CNTNAP4: variants seen among roughly 807,000 people sequenced by gnomAD.
CNTNAP4 encodes contactin-associated protein-like 4.
In CNTNAP4, 98 loss-of-function variants were observed where a neutral mutation model predicts 148.4. That is an observed-to-expected ratio of 0.66 (90% CI 0.56 to 0.78). The LOEUF (loss-of-function observed/expected upper bound fraction) is 0.78. CNTNAP4 is among the 30% of genes least tolerant of loss of function. The probability of loss-of-function intolerance (pLI) is 0.00; values close to 1 mark genes in which losing one functional copy is unlikely to be tolerated. For synonymous variants in CNTNAP4, 730 were observed against 565.1 expected (o/e 1.29, Z -4.14); for missense variants, 1,935 against 1,565.6 (o/e 1.24, Z -3.98).
intron 19 of CNTNAP4, among the ~76,000 whole-genome samples, chr16:76,539,417 C>G (rs2084353760): frequency 6.6e-6 from 1 of 151,880 alleles, no homozygotes; most frequent in Non-Finnish European, 1.5e-5. Context: ...TTCAGAAATA[C>G]TTAATATTAT....
intron 4 of CNTNAP4, among the ~76,000 whole-genome samples, chr16:76,433,991 T>A (rs2079713088): frequency 6.7e-6 from 1 of 150,322 alleles, no homozygotes; most frequent in Non-Finnish European, 1.5e-5. Flanking sequence ...GTATTAGGGT[T>A]CTCTAGAAAG....
At chr16:76,315,245 C>A (rs889082655) in intron 1 of CNTNAP4, among the ~76,000 whole-genome samples, 4 of 151,728 alleles carry the variant, frequency 2.6e-5, no homozygotes, top group African/African-American at 9.7e-5. Flanking sequence ...AATGCAAGCT[C>A]CTCTGAGTAC....
At chr16:76,332,522 C>T (rs577228202) in intron 2 of CNTNAP4, among the ~76,000 whole-genome samples, 1 of 152,212 alleles carries the variant, frequency 6.6e-6, no homozygotes, top group Non-Finnish European at 1.5e-5. Context: ...CCTCAACCTC[C>T]CAAAGTGCCA....
chr16:76,411,884 A>T (rs2078809868), intron 3 of CNTNAP4, among the ~76,000 whole-genome samples: 1 of 151,490 alleles, frequency 6.6e-6, no homozygotes, highest in Non-Finnish European at 1.5e-5. Flanking sequence ...ACTATCAAAA[A>T]GTGAAAATGC....
At chr16:76,475,105 A>G (rs1267387559) in intron 10 of CNTNAP4, among the ~76,000 whole-genome samples, 1 of 151,926 alleles carries the variant, frequency 6.6e-6, no homozygotes, top group Non-Finnish European at 1.5e-5. Flanking sequence ...TGAACCCAGG[A>G]GGCGGAGGTT....
chr16:76,342,710 G>T (rs1046960670), intron 2 of CNTNAP4, among the ~76,000 whole-genome samples: 1 of 152,130 alleles, frequency 6.6e-6, no homozygotes, highest in Admixed American at 6.5e-5. Context: ...CTGACCTCGT[G>T]ATCTGCCCAC....
intron 2 of CNTNAP4, among the ~76,000 whole-genome samples, chr16:76,323,390 A>G (rs955119335): frequency 5.3e-5 from 8 of 152,174 alleles, no homozygotes; most frequent in Non-Finnish European, 1.0e-4. Flanking sequence ...TTGGAAAATA[A>G]AGTTCCAGAT....
At chr16:76,390,533 T>A (rs1172584469) in intron 3 of CNTNAP4, among the ~76,000 whole-genome samples, 2 of 151,024 alleles carry the variant, frequency 1.3e-5, no homozygotes, top group African/African-American at 2.4e-5. Context: ...GTTCATGAAC[T>A]GCAACTTAAT....
intron 4 of CNTNAP4, among the ~76,000 whole-genome samples, chr16:76,438,606 C>G (rs897547893): frequency 6.6e-6 from 1 of 152,058 alleles, no homozygotes; most frequent in African/African-American, 2.4e-5. Flanking sequence ...TTCACAGGGT[C>G]TAGGTGATCA....
At chr16:76,547,002 A>G (rs182007853) in intron 21 of CNTNAP4, among the ~76,000 whole-genome samples, 45 of 152,326 alleles carry the variant, frequency 3.0e-4, no homozygotes, top group African/African-American at 1.0e-3. Flanking sequence ...GTACTAGAGG[A>G]TGGGGAAGAA....
chr16:76,522,323 A>G, intron 17 of CNTNAP4, 66 bp downstream of exon 17: 2 of 1,293,902 alleles, frequency 1.5e-6, no homozygotes, highest in Non-Finnish European at 2.2e-6. Flanking sequence ...CCAAGATAAA[A>G]TAATACCAAC....
intron 3 of CNTNAP4, among the ~76,000 whole-genome samples, chr16:76,405,040 T>G (rs971839555): frequency 6.6e-6 from 1 of 152,130 alleles, no homozygotes; most frequent in Non-Finnish European, 1.5e-5. Flanking sequence ...AAAAAACTTA[T>G]GACAAATGTA....
At chr16:76,353,649 A>AG (rs2012158606) in intron 2 of CNTNAP4, among the ~76,000 whole-genome samples, 1 of 152,016 alleles carries the variant, frequency 6.6e-6, no homozygotes, top group African/African-American at 2.4e-5. Flanking sequence ...CTAGCTAGCT[A>AG]GCCCTATCCT....
chr16:76,437,851 G>A (rs1363586717), intron 4 of CNTNAP4, among the ~76,000 whole-genome samples: 4 of 152,152 alleles, frequency 2.6e-5, no homozygotes, highest in East Asian at 1.9e-4. Flanking sequence ...TAACTATGAC[G>A]GTTCACAACA....
intron 1 of CNTNAP4, chr16:76,309,845 C>G (rs372798746): frequency 1.4e-6 from 1 of 700,752 alleles, no homozygotes; most frequent in South Asian, 1.5e-5. Flanking sequence ...TCCGCTTTTG[C>G]TGCTTCCTCA....
intron 2 of CNTNAP4, among the ~76,000 whole-genome samples, chr16:76,345,572 G>T (rs1222932184): frequency 2.0e-5 from 3 of 152,166 alleles, no homozygotes; most frequent in Non-Finnish European, 4.4e-5. Context: ...GGGGATGCGG[G>T]GGGGATTTGG....
At chr16:76,396,074 C>G (rs1486326012) in intron 3 of CNTNAP4, among the ~76,000 whole-genome samples, 1 of 152,146 alleles carries the variant, frequency 6.6e-6, no homozygotes, top group African/African-American at 2.4e-5. Flanking sequence ...ATAAAATAAT[C>G]TGGACCATAA....
intron 5 of CNTNAP4, 48 bp from the exon 6 acceptor site, chr16:76,448,719 T>C (rs2080342926): frequency 7.1e-7 from 1 of 1,400,720 alleles, no homozygotes; most frequent in Admixed American, 2.9e-5. Flanking sequence ...TTTTTTTTTT[T>C]TCTTTAGACT....
At chr16:76,484,881 T>TA (rs1430684771) in intron 12 of CNTNAP4, among the ~76,000 whole-genome samples, 1 of 152,194 alleles carries the variant, frequency 6.6e-6, no homozygotes, top group East Asian at 1.9e-4. Context: ...TGTGTCTTAT[T>TA]AAAAAATCCA....
Sources: allele counts gnomAD v4.1 joint callset (sites outside exome capture counted in the v4.1 genomes callset), GRCh38; gene constraint gnomAD v4.1.1; transcripts MANE v1.5; gene names NCBI Gene and HGNC (gene_info 2026-07-23, HGNC 2026-07-21).